The following OXR1 variants were observed in gnomAD, a reference collection of about 807,000 sequenced individuals.
The protein encoded by OXR1 is oxidation resistance protein 1.
OXR1 carries 41 observed loss-of-function variants against 104.6 expected under a neutral mutation model. That is an observed-to-expected ratio of 0.39 (90% confidence interval 0.31 to 0.51). The LOEUF is 0.51. OXR1 is among the 20% of genes least tolerant of loss of function. The pLI, the probability that OXR1 is intolerant of heterozygous loss-of-function variation, is 0.77. For missense variants in OXR1, 955 were observed against 1,031.9 expected, an observed-to-expected ratio of 0.93 and a Z score of 1.02; for synonymous variants, 348 against 348.4, an observed-to-expected ratio of 1.00 and a Z score of 0.01.
chr8:106,427,445 G>A (rs1004923841), intron 2 of OXR1, among the ~76,000 whole-genome samples: 1 of 152,100 alleles, frequency 6.6e-6, no homozygotes, highest in African/African-American at 2.4e-5. Flanking sequence ...GGGATTACAG[G>A]CATGAATTGA....
intron 10 of OXR1, among the ~76,000 whole-genome samples, chr8:106,711,361 G>A (rs1831669367): frequency 2.0e-5 from 3 of 152,120 alleles, no homozygotes; most frequent in Middle Eastern, 6.8e-3. Flanking sequence ...AACTTTCCCT[G>A]TACTATTATT....
chr8:106,574,654 C>G (rs1309374481), intron 3 of OXR1, among the ~76,000 whole-genome samples: 3 of 152,306 alleles, frequency 2.0e-5, no homozygotes, highest in South Asian at 2.1e-4. Context: ...GGGCTATGCC[C>G]CATCCACCAA....
At chr8:106,730,124 G>A (rs972404108) in intron 11 of OXR1, among the ~76,000 whole-genome samples, 1 of 152,016 alleles carries the variant, frequency 6.6e-6, no homozygotes, top group African/African-American at 2.4e-5. Context: ...AAAATTGAAT[G>A]GAAGGCATAG....
intron 2 of OXR1, among the ~76,000 whole-genome samples, chr8:106,498,737 A>G (rs1329378529): frequency 6.6e-6 from 1 of 152,192 alleles, no homozygotes; most frequent in Non-Finnish European, 1.5e-5. Context: ...TCATTGCAGT[A>G]TGTCACTTAA....
At chr8:106,706,281 T>C in intron 8 of OXR1, 101 bp from the exon 9 acceptor site, 1 of 744,954 alleles carries the variant, frequency 1.3e-6, no homozygotes, top group South Asian at 2.1e-5. Flanking sequence ...ATCCTTTTGT[T>C]AAAAAGTCTT....
intron 2 of OXR1, among the ~76,000 whole-genome samples, chr8:106,398,387 C>T (rs78191661): frequency 6.6e-6 from 1 of 152,152 alleles, no homozygotes; most frequent in East Asian, 1.9e-4. Flanking sequence ...AGCATTTTCC[C>T]AGATGATTCC....
At chr8:106,485,731 A>G (rs1810606331) in intron 2 of OXR1, among the ~76,000 whole-genome samples, 1 of 152,062 alleles carries the variant, frequency 6.6e-6, no homozygotes, top group Non-Finnish European at 1.5e-5. Context: ...GGATGAATGG[A>G]TGGAGAAAAT....
At chr8:106,545,856 TGTG>T (rs774301927) in intron 3 of OXR1, among the ~76,000 whole-genome samples, 2 of 152,012 alleles carry the variant, frequency 1.3e-5, no homozygotes, top group Non-Finnish European at 2.9e-5. Context: ...ATTAGCCAGT[TGTG>T]GTGGTGCACA....
At chr8:106,749,630 A>G (rs548147564) in intron 16 of OXR1, among the ~76,000 whole-genome samples, 2 of 152,244 alleles carry the variant, frequency 1.3e-5, no homozygotes, top group East Asian at 3.9e-4. Flanking sequence ...TTTTCTTTCA[A>G]TGAAATATAA....
At chr8:106,531,588 G>A (rs1317578027) in intron 3 of OXR1, among the ~76,000 whole-genome samples, 1 of 152,142 alleles carries the variant, frequency 6.6e-6, no homozygotes, top group Admixed American at 6.5e-5. Flanking sequence ...GGTGCCCACA[G>A]AGAGTTGAAC....
chr8:106,472,631 T>C (rs1270375913), intron 2 of OXR1, among the ~76,000 whole-genome samples: 1 of 151,828 alleles, frequency 6.6e-6, no homozygotes, highest in African/African-American at 2.4e-5. Flanking sequence ...TGCAGACAAC[T>C]TGCTATCCCA....
intron 3 of OXR1, among the ~76,000 whole-genome samples, chr8:106,634,163 T>A (rs1326198728): frequency 6.6e-6 from 1 of 152,234 alleles, no homozygotes; most frequent in Non-Finnish European, 1.5e-5. Context: ...GAAAGTCTTA[T>A]TTGTAGGCTT....
At chr8:106,717,103 T>C (rs1405019231) in intron 11 of OXR1, among the ~76,000 whole-genome samples, 4 of 151,996 alleles carry the variant, frequency 2.6e-5, no homozygotes, top group Non-Finnish European at 4.4e-5. Context: ...GGAGAATCAC[T>C]TGAACCTGGG....
At chr8:106,355,915 G>C (rs1308838627) in intron 1 of OXR1, among the ~76,000 whole-genome samples, 5 of 151,976 alleles carry the variant, frequency 3.3e-5, no homozygotes, top group Non-Finnish European at 2.9e-5. Flanking sequence ...CCCTGTCAAA[G>C]AAAAAATGCA....
At chr8:106,616,949 TA>T (rs1172662303) in intron 3 of OXR1, among the ~76,000 whole-genome samples, 10 of 152,188 alleles carry the variant, frequency 6.6e-5, no homozygotes, top group Non-Finnish European at 1.5e-4. Context: ...GATGTTACAG[TA>T]TGTATATATC....
intron 2 of OXR1, among the ~76,000 whole-genome samples, chr8:106,379,158 C>T (rs1817028377): frequency 6.6e-6 from 1 of 152,152 alleles, no homozygotes; most frequent in Admixed American, 6.5e-5. Flanking sequence ...ATCATCCCAA[C>T]CCTACTGCAT....
chr8:106,363,815 C>A (rs950313708), intron 2 of OXR1, among the ~76,000 whole-genome samples: 1 of 152,118 alleles, frequency 6.6e-6, no homozygotes, highest in Admixed American at 6.5e-5. Flanking sequence ...TTATTGGTCA[C>A]AAAGTACTGT....
At chr8:106,605,443 G>C (rs1319988362) in intron 3 of OXR1, among the ~76,000 whole-genome samples, 1 of 151,972 alleles carries the variant, frequency 6.6e-6, no homozygotes, top group East Asian at 1.9e-4. Context: ...TTCTGTAGGG[G>C]AAAAGCCAGA....
chr8:106,532,791 TA>T (rs1814190479), intron 3 of OXR1, among the ~76,000 whole-genome samples: 1 of 152,156 alleles, frequency 6.6e-6, no homozygotes, highest in Admixed American at 6.5e-5. Flanking sequence ...ATGAACAAAA[TA>T]AATATCTCTA....
Sources: gnomAD v4.1 joint callset for allele counts (sites outside exome capture counted in the v4.1 genomes callset) on GRCh38, gnomAD v4.1.1 for gene constraint, MANE v1.5 for transcripts, NCBI Gene and HGNC (gene_info 2026-07-23, HGNC 2026-07-21) for gene names.